The following SLC4A5 variants were observed in gnomAD, a reference collection of about 807,000 sequenced individuals.
SLC4A5 encodes the protein solute carrier family 4 member 5, also known as electrogenic sodium bicarbonate cotransporter 4.
In SLC4A5, 96 loss-of-function variants were observed where a neutral mutation model predicts 120.4. The ratio of observed to expected loss-of-function variants is 0.80; its 90% CI spans 0.68 to 0.94. SLC4A5 has a LOEUF of 0.94. SLC4A5 is among the 40% of genes least tolerant of loss of function. The pLI, the probability that SLC4A5 is intolerant of heterozygous loss-of-function variation, is 0.00. For synonymous variants in SLC4A5, 550 were observed against 571.1 expected (o/e 0.96, Z 0.53); for missense variants, 1,259 against 1,459.5 (o/e 0.86, Z 2.24).
At chr2:74,307,788 C>A in intron 6 of SLC4A5, 3 of 530,292 alleles carry the variant, frequency 5.7e-6, no homozygotes, top group East Asian at 4.7e-5. Flanking sequence ...GGATGCCTCT[C>A]ATTCTGGCCA....
chr2:74,234,156 C>CTT (rs1016001544), intron 22 of SLC4A5, among the ~76,000 whole-genome samples: 1 of 148,644 alleles, frequency 6.7e-6, no homozygotes, highest in Non-Finnish European at 1.5e-5. Flanking sequence ...CGTTGGTGCT[C>CTT]TTTTTTTTTT....
chr2:74,293,920 A>G (rs953365027), intron 7 of SLC4A5, among the ~76,000 whole-genome samples: 1 of 152,192 alleles, frequency 6.6e-6, no homozygotes, highest in African/African-American at 2.4e-5. Flanking sequence ...TCATAAGAAT[A>G]GTTAGATTAA....
intron 5 of SLC4A5, among the ~76,000 whole-genome samples, chr2:74,320,281 A>G (rs1265568087): frequency 6.6e-6 from 1 of 152,144 alleles, no homozygotes; most frequent in Non-Finnish European, 1.5e-5. Flanking sequence ...ATCTGGAAGA[A>G]TTTTCTGATT....
At chr2:74,258,911 C>G (rs375048645) in intron 12 of SLC4A5, among the ~76,000 whole-genome samples, 46 of 152,198 alleles carry the variant, frequency 3.0e-4, no homozygotes, top group African/African-American at 1.0e-3. Flanking sequence ...CTCGCCAAGT[C>G]TCAGGTTTCC....
At chr2:74,332,582 C>CA (rs1180383809) in intron 4 of SLC4A5, among the ~76,000 whole-genome samples, 1 of 152,082 alleles carries the variant, frequency 6.6e-6, no homozygotes, top group Non-Finnish European at 1.5e-5. Flanking sequence ...ATCTCTTGGG[C>CA]AAAATCAGTC....
At chr2:74,303,016 C>CTGTGTGTG (rs10601390) in intron 7 of SLC4A5, among the ~76,000 whole-genome samples, 11 of 145,052 alleles carry the variant, frequency 7.6e-5, no homozygotes, top group African/African-American at 1.8e-4. Flanking sequence ...CTGAGCAGGA[C>CTGTGTGTG]TGTGTGTGTG....
chr2:74,332,200 C>T (rs1336114736), intron 4 of SLC4A5, among the ~76,000 whole-genome samples: 2 of 152,188 alleles, frequency 1.3e-5, no homozygotes, highest in African/African-American at 4.8e-5. Context: ...TTCTCAAAGT[C>T]CAGCACTGAA....
chr2:74,254,622 A>T (rs1337015786), exon 14 of SLC4A5: 1 of 1,613,812 alleles, frequency 6.2e-7, no homozygotes. Context: ...CACTTACATC[A>T]TCTACCATGA....
intron 3 of SLC4A5, among the ~76,000 whole-genome samples, chr2:74,337,816 T>C (rs1165117554): frequency 6.6e-6 from 1 of 152,234 alleles, no homozygotes; most frequent in Non-Finnish European, 1.5e-5. Flanking sequence ...TAATTAGTTG[T>C]GCTCCTTTCA....
intron 11 of SLC4A5, among the ~76,000 whole-genome samples, chr2:74,261,720 T>G (rs1040617478): frequency 1.3e-5 from 2 of 152,152 alleles, no homozygotes; most frequent in Non-Finnish European, 2.9e-5. Flanking sequence ...CATGGTGGCA[T>G]GAGACTGCCA....
rs992658400 is a variant in SLC4A5, at chr2:74,235,134, T to C, written c.2400A>G (p.Glu800=). The stretch of plus-strand genomic sequence containing the variant: ...CACTGGGCACATGCAGCTTGGGAGT[T>C]TCTAGGCCAAAACAGGCATCGATTC... Residue 800 remains glutamate (E), a synonymous_variant, in exon 22 of 31, where the codon GAA becomes GAG. Transcript: ENST00000394019. 5 of 1,613,822 alleles carry C rather than the reference T, an allele frequency of 3.1e-6. No homozygotes were observed. The African/African-American group carries it at 5.3e-5, about 17-fold the overall frequency.
chr2:74,320,590 G>A (rs1673071293), intron 5 of SLC4A5, among the ~76,000 whole-genome samples: 1 of 152,116 alleles, frequency 6.6e-6, no homozygotes, highest in African/African-American at 2.4e-5. Flanking sequence ...GGCATTTTCA[G>A]ACATAAACTA....
intron 21 of SLC4A5, among the ~76,000 whole-genome samples, chr2:74,236,034 T>C (rs1479400444): frequency 6.6e-6 from 1 of 152,214 alleles, no homozygotes; most frequent in Non-Finnish European, 1.5e-5. Context: ...AAATTTGTTA[T>C]TAACATAACA....
At chr2:74,241,261 T>A (rs1037868699) in intron 20 of SLC4A5, among the ~76,000 whole-genome samples, 1 of 148,756 alleles carries the variant, frequency 6.7e-6, no homozygotes, top group Admixed American at 6.7e-5. Context: ...ATTATTATTA[T>A]TATTATTATT....
chr2:74,242,014 G>A (rs778269860), exon 20 of SLC4A5: 1 of 1,606,560 alleles, frequency 6.2e-7, no homozygotes, highest in Admixed American at 1.7e-5. Context: ...TTGGTGTCTG[G>A]TGCCAATGGG....
chr2:74,223,554 CTG>C (rs756050851), intron 28 of SLC4A5, among the ~76,000 whole-genome samples: 11 of 152,198 alleles, frequency 7.2e-5, no homozygotes, highest in Non-Finnish European at 1.3e-4. Flanking sequence ...CACACAACAA[CTG>C]TGTTGCTATA....
intron 18 of SLC4A5, 46 bp downstream of exon 18, chr2:74,248,307 C>T (rs200823799): frequency 6.2e-7 from 1 of 1,606,538 alleles, no homozygotes. Flanking sequence ...CAGCATACTG[C>T]CCCAAATGCG....
At chr2:74,222,233 G>T (rs1165411224) in intron 29 of SLC4A5, among the ~76,000 whole-genome samples, 1 of 152,186 alleles carries the variant, frequency 6.6e-6, no homozygotes, top group African/African-American at 2.4e-5. Flanking sequence ...GCCATGTTTG[G>T]ACTGATGTGG....
At chr2:74,282,069 A>T (rs563321182) in intron 8 of SLC4A5, among the ~76,000 whole-genome samples, 2 of 152,092 alleles carry the variant, frequency 1.3e-5, no homozygotes, top group Non-Finnish European at 2.9e-5. Context: ...AGAAACTGCT[A>T]TTTTTTTGTG....
Sources: gnomAD v4.1 joint callset for allele counts (sites outside exome capture counted in the v4.1 genomes callset) on GRCh38, gnomAD v4.1.1 for gene constraint, MANE v1.5 for transcripts, NCBI Gene and HGNC (gene_info 2026-07-23, HGNC 2026-07-21) for gene names.